Variants in TTLL5 observed in about 807,000 individuals in gnomAD.
TTLL5 encodes the protein tubulin tyrosine ligase like 5, also known as tubulin polyglutamylase TTLL5.
A neutral mutation model predicts 168.4 loss-of-function variants in TTLL5; 132 were observed. The ratio of observed to expected loss-of-function variants is 0.78; its 90% CI spans 0.68 to 0.91. The LOEUF is 0.91. TTLL5 is among the 40% of genes least tolerant of loss of function. The pLI is 0.00. For synonymous variants in TTLL5, 546 were observed against 558.6 expected, an observed-to-expected ratio of 0.98 and a Z score of 0.32; for missense variants, 1,545 against 1,581.5, an observed-to-expected ratio of 0.98 and a Z score of 0.39.
chr14:75,735,835 T>C (rs191723065), intron 15 of TTLL5, among the ~76,000 whole-genome samples: 1 of 152,202 alleles, frequency 6.6e-6, no homozygotes, highest in African/African-American at 2.4e-5. Context: ...TACTCTGCAT[T>C]TTTGTTCCAG....
intron 18 of TTLL5, among the ~76,000 whole-genome samples, chr14:75,756,941 G>C (rs1890300108): frequency 6.6e-6 from 1 of 150,514 alleles, no homozygotes; most frequent in Non-Finnish European, 1.5e-5. Context: ...ACAATGGAGA[G>C]TATCTTTTTT....
chr14:75,825,305 C>T (rs1465022132), intron 28 of TTLL5, among the ~76,000 whole-genome samples: 2 of 152,166 alleles, frequency 1.3e-5, no homozygotes, highest in African/African-American at 2.4e-5. Context: ...CTCTGGCCAT[C>T]ACCCTGTGCA....
chr14:75,867,870 A>G (rs1193854062), intron 29 of TTLL5, among the ~76,000 whole-genome samples: 1 of 152,002 alleles, frequency 6.6e-6, no homozygotes, highest in Non-Finnish European at 1.5e-5. Flanking sequence ...AGCCCAATGC[A>G]TGTCTTCTAA....
intron 26 of TTLL5, among the ~76,000 whole-genome samples, chr14:75,789,613 T>C (rs1566605384): frequency 6.6e-6 from 1 of 152,080 alleles, no homozygotes; most frequent in Non-Finnish European, 1.5e-5. Context: ...TTTAAAAATA[T>C]CACTAATAAT....
chr14:75,840,419 C>T (rs1302413697), intron 28 of TTLL5, among the ~76,000 whole-genome samples: 3 of 151,922 alleles, frequency 2.0e-5, no homozygotes, highest in East Asian at 3.9e-4. Flanking sequence ...TGACAGGCCC[C>T]GGTGTGTGAT....
chr14:75,703,990 C>T (rs1408422449), intron 7 of TTLL5, among the ~76,000 whole-genome samples: 1 of 152,128 alleles, frequency 6.6e-6, no homozygotes, highest in Non-Finnish European at 1.5e-5. Context: ...TAATTAGAAC[C>T]ACATATATTC....
At chr14:75,906,353 G>A (rs1291567112) in intron 31 of TTLL5, among the ~76,000 whole-genome samples, 1 of 152,112 alleles carries the variant, frequency 6.6e-6, no homozygotes, top group African/African-American at 2.4e-5. Context: ...CAGAGCCAGA[G>A]GGGTAAGAAT....
intron 18 of TTLL5, among the ~76,000 whole-genome samples, chr14:75,763,308 AT>A (rs1457266637): frequency 4.7e-5 from 7 of 149,912 alleles, no homozygotes; most frequent in Non-Finnish European, 8.9e-5. Context: ...CTCTGATAAA[AT>A]ACATTGGAAC....
At chr14:75,722,519 C>T (rs933328562) in intron 12 of TTLL5, among the ~76,000 whole-genome samples, 2 of 152,188 alleles carry the variant, frequency 1.3e-5, no homozygotes, top group East Asian at 3.8e-4. Context: ...TTTGTTTATA[C>T]ATACACTCAG....
intron 9 of TTLL5, 122 bp from the exon 10 acceptor site, chr14:75,717,739 C>T: frequency 1.2e-6 from 1 of 839,272 alleles, no homozygotes; most frequent in Non-Finnish European, 1.9e-6. Flanking sequence ...ACTTAGTAGG[C>T]ACTTGGTATT....
At chr14:75,745,293 A>G (rs1889534821) in intron 16 of TTLL5, 85 bp downstream of exon 16, 1 of 1,347,194 alleles carries the variant, frequency 7.4e-7, no homozygotes, top group African/African-American at 1.5e-5. Context: ...TTCATGACAA[A>G]CTCATGTCTT....
chr14:75,908,942 A>G (rs1432348907), intron 31 of TTLL5, among the ~76,000 whole-genome samples: 1 of 151,952 alleles, frequency 6.6e-6, no homozygotes, highest in African/African-American at 2.4e-5. Context: ...ATGCACAGCT[A>G]ATTTTTCATA....
At chr14:75,817,583 A>G (rs2140407965) in intron 27 of TTLL5, among the ~76,000 whole-genome samples, 1 of 152,208 alleles carries the variant, frequency 6.6e-6, no homozygotes, top group Non-Finnish European at 1.5e-5. Flanking sequence ...TTCTTTCAGA[A>G]TTTTTAGGGA....
chr14:75,805,528 G>T (rs545868444), intron 27 of TTLL5, among the ~76,000 whole-genome samples: 1 of 151,840 alleles, frequency 6.6e-6, no homozygotes, highest in East Asian at 1.9e-4. Flanking sequence ...TCCTTTTCCT[G>T]TGATTTCATC....
Position 75,882,773 on chromosome 14 carries a change from G to A in TTLL5, c.3611G>A (p.Ser1204Asn), listed in dbSNP as rs753564554. 10 of 1,613,972 alleles carry A rather than the reference G, an allele frequency of 6.2e-6. No individual in the cohort carries two copies. The highest frequency in any genetic ancestry group is 8.5e-6 in the Non-Finnish European group (10 of 1,179,986). The part of the protein sequence containing the change: ...AGCRISSATA[S>N]GQKPTTLPQK... ...TGTAGAATTTCCAGTGCCACAGCTA[G>A]TGGCCAGAAGCCAACCACTCTGCCA... The change falls in exon 30 of 32, where the codon AGT becomes AAT. Residue 1204 changes from serine (S) to asparagine (N), a missense_variant. Physicochemically the swap from Ser to Asn is conservative, Grantham distance 46. Coordinates refer to ENST00000298832, the MANE Select transcript of TTLL5 (RefSeq NM_015072.5).
At chr14:75,835,671 A>G (rs1337918465) in intron 28 of TTLL5, 1 of 152,244 alleles carries the variant, frequency 6.6e-6, no homozygotes, top group Non-Finnish European at 1.5e-5. Flanking sequence ...AATAATCAGA[A>G]TATGTAAGGA....
At position 75,917,682 on chromosome 14, in the gene TTLL5, G is replaced by A. The variant is rs200790662; in HGVS notation, c.3823+15458G>A. The stretch of plus-strand genomic sequence containing the variant: ...TTCTGCCTCTACTCCCCTGGGTGGG[G>A]GTGATCTGGGATCTTTCCCACATGC... On this transcript the variant is annotated intron_variant, in intron 31 of 31. Transcript: ENST00000298832. Among the ~76,000 whole-genome samples the A allele has an allele frequency of 5.3e-4, 80 of 152,358 alleles. No homozygotes were observed. The East Asian group carries it at 0.013, about 25-fold the overall frequency.
At chr14:75,721,854 A>ATCCCCT (rs1887858196) in intron 12 of TTLL5, among the ~76,000 whole-genome samples, 1 of 152,240 alleles carries the variant, frequency 6.6e-6, no homozygotes, top group East Asian at 1.9e-4. Context: ...GGGTCAGTAA[A>ATCCCCT]CAAAGGGAAT....
rs540493111 is a variant in TTLL5, at chr14:75,703,432, C to T, written c.586-3586C>T. Among the ~76,000 whole-genome samples, 252 of 152,256 alleles carry T rather than the reference C, an allele frequency of 1.7e-3. 1 individual carries two copies. Among genetic ancestry groups the T allele is most frequent in the Middle Eastern group, 0.014 (4 of 294 alleles). ...GTGTGGACCACAGATGGAAACATCT[C>T]GGTTGGCTAACGTGGTCTCATAAGG... On this transcript the variant is annotated intron_variant, in intron 7 of 31. Transcript: ENST00000298832.
Sources: allele counts gnomAD v4.1 joint callset (sites outside exome capture counted in the v4.1 genomes callset), GRCh38; gene constraint gnomAD v4.1.1; transcripts MANE v1.5; gene names NCBI Gene and HGNC (gene_info 2026-07-23, HGNC 2026-07-21).